The following KIAA0319L variants were observed in gnomAD, a reference collection of about 807,000 sequenced individuals.
KIAA0319L encodes the protein KIAA0319 like, also known as dyslexia-associated protein KIAA0319-like protein.
Under a neutral mutation model 120.1 loss-of-function variants are expected in KIAA0319L, and 55 were observed. The observed-to-expected ratio is 0.46, with a 90% confidence interval of 0.37 to 0.57. KIAA0319L has a LOEUF of 0.57. KIAA0319L is among the 20% of genes least tolerant of loss of function. The pLI is 0.00. For missense variants in KIAA0319L, 1,049 were observed against 1,255.3 expected (o/e 0.84, Z 2.48); for synonymous variants, 398 against 471.9 (o/e 0.84, Z 2.03).
intron 3 of KIAA0319L, among the ~76,000 whole-genome samples, chr1:35,495,735 C>T (rs1644777838): frequency 6.6e-6 from 1 of 151,950 alleles, no homozygotes; most frequent in African/African-American, 2.4e-5. Flanking sequence ...TCACTGCAGC[C>T]TCAACCTCCC....
intron 3 of KIAA0319L, among the ~76,000 whole-genome samples, chr1:35,500,723 G>T (rs905425347): frequency 1.3e-5 from 2 of 152,182 alleles, no homozygotes; most frequent in Admixed American, 6.6e-5. Flanking sequence ...GAGATCTGCA[G>T]TGCATACTTT....
At chr1:35,522,212 A>G (rs957778424) in intron 2 of KIAA0319L, among the ~76,000 whole-genome samples, 1 of 152,120 alleles carries the variant, frequency 6.6e-6, no homozygotes, top group Middle Eastern at 3.2e-3. Flanking sequence ...TAGGAGGGGA[A>G]GCCAGGTGAC....
At chr1:35,537,627 A>AC (rs1646632287) in intron 2 of KIAA0319L, among the ~76,000 whole-genome samples, 1 of 150,552 alleles carries the variant, frequency 6.6e-6, no homozygotes, top group Admixed American at 6.6e-5. Flanking sequence ...AAAAAAAAAA[A>AC]AAAAAAAAAA....
At chr1:35,520,093 T>TTTTTC (rs570402598) in intron 2 of KIAA0319L, among the ~76,000 whole-genome samples, 3 of 151,968 alleles carry the variant, frequency 2.0e-5, no homozygotes, top group Admixed American at 1.3e-4. Context: ...CAAATCTTCT[T>TTTTTC]TTTTCTTTTC....
chr1:35,553,193 C>T (rs918548101), intron 2 of KIAA0319L, among the ~76,000 whole-genome samples: 5 of 151,678 alleles, frequency 3.3e-5, no homozygotes, highest in Admixed American at 1.3e-4. Context: ...ATGGCACCAT[C>T]GCACTCCAGC....
At chr1:35,451,399 G>T (rs1183567945) in intron 13 of KIAA0319L, among the ~76,000 whole-genome samples, 2 of 152,164 alleles carry the variant, frequency 1.3e-5, no homozygotes, top group Admixed American at 6.5e-5. Context: ...AAAGTAAGGG[G>T]ATGAGAGGGA....
At chr1:35,478,673 C>T (rs1644011765) in intron 4 of KIAA0319L, among the ~76,000 whole-genome samples, 1 of 152,158 alleles carries the variant, frequency 6.6e-6, no homozygotes, top group African/African-American at 2.4e-5. Flanking sequence ...TCTTTCTTCC[C>T]AGTAGGCTCT....
At chr1:35,520,165 C>T (rs546032147) in intron 2 of KIAA0319L, among the ~76,000 whole-genome samples, 2 of 151,812 alleles carry the variant, frequency 1.3e-5, no homozygotes, top group Non-Finnish European at 2.9e-5. Flanking sequence ...TGCAGTAGCA[C>T]GATCTTGGCT....
chr1:35,470,717 G>A (rs919256424), intron 6 of KIAA0319L, 146 bp downstream of exon 6: 215 of 617,000 alleles, frequency 3.5e-4, no homozygotes, highest in Middle Eastern at 7.4e-4. Context: ...AACAAATACT[G>A]GATGTCAGCC....
At chr1:35,542,013 G>A (rs1646812445) in intron 2 of KIAA0319L, among the ~76,000 whole-genome samples, 1 of 152,154 alleles carries the variant, frequency 6.6e-6, no homozygotes, top group Non-Finnish European at 1.5e-5. Flanking sequence ...CAATAATACA[G>A]AAGGCCCAGC....
At position 35,450,525 on chromosome 1, in the gene KIAA0319L, T is replaced by A; in HGVS notation, c.2063-16A>T. 1 of 1,598,016 alleles carries A rather than the reference T, an allele frequency of 6.3e-7. No homozygotes were observed. Among genetic ancestry groups the A allele is most frequent in the Non-Finnish European group, 8.6e-7 (1 of 1,168,512 alleles). On this transcript the variant is annotated splice_polypyrimidine_tract_variant and intron_variant, in intron 13 of 20. Transcript: ENST00000325722. ...TTGTTTATTTCTAATCAAAAAGAAATCATTGACATAATGTGACATTCTGGA... is the reference window on the plus strand; with the variant it reads ...TTGTTTATTTCTAATCAAAAAGAAAACATTGACATAATGTGACATTCTGGA...
chr1:35,451,089 A>G (rs1432419271), intron 13 of KIAA0319L, among the ~76,000 whole-genome samples: 2 of 152,072 alleles, frequency 1.3e-5, no homozygotes, highest in East Asian at 3.9e-4. Flanking sequence ...TTTTCCTGCT[A>G]TCAACTTAAG....
chr1:35,449,599 T>C (rs574639813), intron 15 of KIAA0319L, among the ~76,000 whole-genome samples: 20 of 152,188 alleles, frequency 1.3e-4, no homozygotes, highest in Non-Finnish European at 2.5e-4. Context: ...CTGACACAAC[T>C]GCTGTGTGAC....
intron 2 of KIAA0319L, among the ~76,000 whole-genome samples, chr1:35,524,815 A>C (rs1293191158): frequency 6.6e-6 from 1 of 152,230 alleles, no homozygotes; most frequent in Non-Finnish European, 1.5e-5. Flanking sequence ...ATCCATCACC[A>C]CAAGCATTTA....
chr1:35,523,991 G>A (rs1334958213), intron 2 of KIAA0319L, among the ~76,000 whole-genome samples: 3 of 152,116 alleles, frequency 2.0e-5, no homozygotes, highest in Non-Finnish European at 4.4e-5. Flanking sequence ...AAATCATAAT[G>A]GTTAAGGCAC....
Position 35,440,816 on chromosome 1 carries a change from C to A in KIAA0319L, c.2962+231G>T, listed in dbSNP as rs185565136. 1.9e-4 allele frequency: 101 copies of A among 542,666 alleles called. 1 individual carries two copies. The highest frequency in any genetic ancestry group is 1.8e-3 in the African/African-American group (96 of 53,134). The allele number at this position is 542,666 out of a possible 1,614,324, so 33.6% of individuals were successfully genotyped here. On this transcript the variant is annotated intron_variant, in intron 20 of 20. Coordinates refer to ENST00000325722, the MANE Select transcript of KIAA0319L (RefSeq NM_024874.5). ...AGAATGCCCAGGCAAAGGAAAACAA[C>A]AGGCCCAGCACCCCCGCCAAGCGGA...
chr1:35,445,767 T>G (rs1391465213), intron 16 of KIAA0319L, among the ~76,000 whole-genome samples: 1 of 152,210 alleles, frequency 6.6e-6, no homozygotes, highest in African/African-American at 2.4e-5. Context: ...TGTAAAATAC[T>G]ATTTTCTTCC....
Position 35,515,079 on chromosome 1 carries a change from G to A in KIAA0319L, c.143-7944C>T, listed in dbSNP as rs71649777. Among the ~76,000 whole-genome samples the A allele has an allele frequency of 2.3e-3, 345 of 152,254 alleles. 2 individuals are homozygous for A. The highest frequency in any genetic ancestry group is 0.01 in the Middle Eastern group (3 of 294). ...TGTAATCCCAACACTTTGGGAGGCC[G>A]AGGCAGGTGGATCACTTGAGGTCAG... On this transcript the variant is annotated intron_variant, in intron 2 of 20. Coordinates refer to ENST00000325722, the MANE Select transcript of KIAA0319L (RefSeq NM_024874.5).
At chr1:35,467,256 A>C (rs1307802327) in intron 6 of KIAA0319L, among the ~76,000 whole-genome samples, 1 of 152,180 alleles carries the variant, frequency 6.6e-6, no homozygotes, top group Non-Finnish European at 1.5e-5. Flanking sequence ...AAATTAAAAT[A>C]ATCATCACTT....
Sources: gnomAD v4.1 joint callset for allele counts (sites outside exome capture counted in the v4.1 genomes callset) on GRCh38, gnomAD v4.1.1 for gene constraint, MANE v1.5 for transcripts, NCBI Gene and HGNC (gene_info 2026-07-23, HGNC 2026-07-21) for gene names.